SPOCK3: variants seen among roughly 807,000 people sequenced by gnomAD.
The protein encoded by SPOCK3 is SPARC (osteonectin), cwcv and kazal like domains proteoglycan 3.
A neutral mutation model predicts 56.6 loss-of-function variants in SPOCK3; 30 were observed. That is an observed-to-expected ratio of 0.53 (90% CI 0.40 to 0.72). The LOEUF is 0.72. Ranked by LOEUF, SPOCK3 falls within the 30% of genes least tolerant of loss-of-function variation. The pLI is 0.00. For missense variants in SPOCK3, 527 were observed against 530.0 expected, an observed-to-expected ratio of 0.99 and a Z score of 0.06; for synonymous variants, 196 against 183.3, an observed-to-expected ratio of 1.07 and a Z score of -0.56.
At chr4:167,133,214 T>C (rs1447613282) in intron 2 of SPOCK3, among the ~76,000 whole-genome samples, 1 of 152,034 alleles carries the variant, frequency 6.6e-6, no homozygotes, top group Non-Finnish European at 1.5e-5. Flanking sequence ...AGGAGGATCA[T>C]TTTAGGAGGA....
At chr4:166,914,499 G>A (rs533686389) in intron 4 of SPOCK3, among the ~76,000 whole-genome samples, 8 of 152,146 alleles carry the variant, frequency 5.3e-5, no homozygotes, top group African/African-American at 1.4e-4. Flanking sequence ...GGCTGGGCAC[G>A]TTGGCTCACG....
At chr4:166,740,051 G>A (rs1036976576) in intron 9 of SPOCK3, among the ~76,000 whole-genome samples, 1 of 152,116 alleles carries the variant, frequency 6.6e-6, no homozygotes, top group Non-Finnish European at 1.5e-5. Context: ...ATGTTATGAT[G>A]TATAGTTAGT....
intron 2 of SPOCK3, among the ~76,000 whole-genome samples, chr4:167,074,900 T>G (rs905520978): frequency 5.3e-5 from 8 of 151,896 alleles, no homozygotes; most frequent in African/African-American, 1.9e-4. Context: ...ATACATAGAG[T>G]ACGTACAATG....
chr4:166,751,340 T>C (rs1034328700), intron 8 of SPOCK3, among the ~76,000 whole-genome samples: 3 of 152,176 alleles, frequency 2.0e-5, no homozygotes, highest in African/African-American at 7.2e-5. Flanking sequence ...ATTTCATTCC[T>C]GAGAAAAAAC....
intron 3 of SPOCK3, among the ~76,000 whole-genome samples, chr4:167,030,867 G>T (rs532421286): frequency 2.3e-4 from 35 of 151,972 alleles, no homozygotes; most frequent in Non-Finnish European, 3.7e-4. Flanking sequence ...CAAGCTGCAG[G>T]AACTCTTGGC....
chr4:167,201,785 A>AT (rs1198066445), intron 2 of SPOCK3, among the ~76,000 whole-genome samples: 1 of 151,894 alleles, frequency 6.6e-6, no homozygotes, highest in Admixed American at 6.6e-5. Flanking sequence ...TTGTAGGAGA[A>AT]TGAAATTTAA....
At chr4:166,806,499 T>C (rs745788942) in intron 6 of SPOCK3, among the ~76,000 whole-genome samples, 1 of 152,084 alleles carries the variant, frequency 6.6e-6, no homozygotes, top group African/African-American at 2.4e-5. Flanking sequence ...TATGGCAACA[T>C]ATAATATAGG....
intron 7 of SPOCK3, among the ~76,000 whole-genome samples, chr4:166,784,936 T>C: frequency 6.6e-6 from 1 of 152,236 alleles, no homozygotes; most frequent in South Asian, 2.1e-4. Flanking sequence ...TAGTACAATG[T>C]CACTTTCAAG....
intron 2 of SPOCK3, among the ~76,000 whole-genome samples, chr4:167,130,109 G>A (rs1762585489): frequency 6.6e-6 from 1 of 151,994 alleles, no homozygotes; most frequent in Admixed American, 6.6e-5. Flanking sequence ...TTCAATTCCT[G>A]GGCTCAAGCC....
chr4:166,995,245 A>ATC (rs1748228178), intron 4 of SPOCK3, among the ~76,000 whole-genome samples: 1 of 150,414 alleles, frequency 6.6e-6, no homozygotes, highest in Non-Finnish European at 1.5e-5. Context: ...GCATGTATGT[A>ATC]TGTATGTGTG....
chr4:166,957,876 G>A (rs886248636), intron 4 of SPOCK3, among the ~76,000 whole-genome samples: 33 of 152,130 alleles, frequency 2.2e-4, no homozygotes, highest in African/African-American at 7.7e-4. Context: ...AGGCTCATAG[G>A]TGGAAGAGAT....
At chr4:167,157,652 C>CTT (rs71604471) in intron 2 of SPOCK3, among the ~76,000 whole-genome samples, 68 of 149,492 alleles carry the variant, frequency 4.5e-4, no homozygotes, top group African/African-American at 1.6e-3. Context: ...TTGTTTAAAA[C>CTT]TTTTTTTTTA....
chr4:167,211,095 G>A (rs1734826828), intron 2 of SPOCK3, among the ~76,000 whole-genome samples: 1 of 152,160 alleles, frequency 6.6e-6, no homozygotes. Flanking sequence ...GCATCAGCAT[G>A]ACCTGGATGT....
At chr4:167,107,845 T>C (rs1760304465) in intron 2 of SPOCK3, among the ~76,000 whole-genome samples, 1 of 151,770 alleles carries the variant, frequency 6.6e-6, no homozygotes, top group African/African-American at 2.4e-5. Context: ...CCATTTAAAA[T>C]AGCCACACAT....
intron 3 of SPOCK3, among the ~76,000 whole-genome samples, chr4:167,031,095 T>G (rs923036668): frequency 6.6e-6 from 1 of 152,082 alleles, no homozygotes; most frequent in African/African-American, 2.4e-5. Flanking sequence ...ATCTTCACCT[T>G]AATGTTTAGA....
At chr4:167,142,058 CT>C (rs1366398482) in intron 2 of SPOCK3, among the ~76,000 whole-genome samples, 1 of 151,946 alleles carries the variant, frequency 6.6e-6, no homozygotes, top group Non-Finnish European at 1.5e-5. Context: ...GTTTTTTACC[CT>C]GCCAAAATCT....
At chr4:166,763,016 A>T (rs145258001) in intron 7 of SPOCK3, among the ~76,000 whole-genome samples, 45 of 152,202 alleles carry the variant, frequency 3.0e-4, no homozygotes, top group African/African-American at 1.1e-3. Context: ...ATCTTTTTGA[A>T]TTTGATAACA....
Position 166,748,688 on chromosome 4 carries a change from A to G in SPOCK3, c.931+5820T>C, listed in dbSNP as rs186905801. On this transcript the variant is annotated intron_variant, in intron 8 of 10. Coordinates refer to ENST00000357545, the MANE Select transcript of SPOCK3 (RefSeq NM_001040159.2). ...TCACAGCAAAAGAAACTTCCTTCAG[A>G]GTGAACAGGCAACCTACAGAATGGG... Among the ~76,000 whole-genome samples the G allele has an allele frequency of 8.8e-3, 1,217 of 137,628 alleles. 182 individuals are homozygous for G. The highest frequency in any genetic ancestry group is 0.075 in the Admixed American group (1,080 of 14,334). The allele number at this position is 137,628 out of a possible 152,430, so 90.3% of individuals were successfully genotyped here.
intron 5 of SPOCK3, among the ~76,000 whole-genome samples, chr4:166,906,492 A>G (rs1411869772): frequency 6.6e-6 from 1 of 151,392 alleles, no homozygotes; most frequent in Admixed American, 6.6e-5. Context: ...TAAAAAAAAA[A>G]AAAAAAAAAC....
Sources: allele counts gnomAD v4.1 joint callset (sites outside exome capture counted in the v4.1 genomes callset), GRCh38; gene constraint gnomAD v4.1.1; transcripts MANE v1.5; gene names NCBI Gene and HGNC (gene_info 2026-07-23, HGNC 2026-07-21).